The following SLC35F1 variants were observed in gnomAD, a reference collection of about 807,000 sequenced individuals.
SLC35F1 encodes the protein solute carrier family 35 member F1.
A neutral mutation model predicts 48.7 loss-of-function variants in SLC35F1; 14 were observed. The observed-to-expected ratio is 0.29, with a 90% CI of 0.19 to 0.45. SLC35F1 has a LOEUF of 0.45. Ranked by LOEUF, SLC35F1 falls within the 20% of genes least tolerant of loss-of-function variation. SLC35F1 has a pLI of 1.00. For missense variants in SLC35F1, 404 were observed against 500.0 expected, an observed-to-expected ratio of 0.81 and a Z score of 1.83; for synonymous variants, 190 against 202.2, an observed-to-expected ratio of 0.94 and a Z score of 0.51.
At chr6:118,117,720 A>T (rs1773493268) in intron 1 of SLC35F1, among the ~76,000 whole-genome samples, 1 of 152,202 alleles carries the variant, frequency 6.6e-6, no homozygotes. Context: ...AAGATTCCTC[A>T]TGCCACCTTG....
intron 1 of SLC35F1, among the ~76,000 whole-genome samples, chr6:118,027,958 C>A (rs938442146): frequency 3.9e-5 from 6 of 152,024 alleles, no homozygotes; most frequent in Non-Finnish European, 7.4e-5. Flanking sequence ...CAAATATTTT[C>A]TCCTTTTTCT....
chr6:118,226,697 C>T (rs560160292), intron 2 of SLC35F1, among the ~76,000 whole-genome samples: 13 of 152,116 alleles, frequency 8.5e-5, no homozygotes, highest in South Asian at 4.2e-4. Flanking sequence ...GGTTACCAGA[C>T]GCTGGGAAGA....
At chr6:118,009,717 ATTATGCACTCAGTAAAAC>A (rs2114875148) in intron 1 of SLC35F1, among the ~76,000 whole-genome samples, 1 of 152,236 alleles carries the variant, frequency 6.6e-6, no homozygotes, top group East Asian at 1.9e-4. Flanking sequence ...TGTGCTTGTA[ATTATGCACTCAGTAAAAC>A]TGAGTGCACA....
At chr6:117,993,576 G>T (rs1776947502) in intron 1 of SLC35F1, among the ~76,000 whole-genome samples, 1 of 152,046 alleles carries the variant, frequency 6.6e-6, no homozygotes, top group East Asian at 1.9e-4. Flanking sequence ...ACAAATGAGT[G>T]TGGACTAATC....
At chr6:118,165,214 C>G (rs1774300139) in intron 2 of SLC35F1, among the ~76,000 whole-genome samples, 1 of 152,160 alleles carries the variant, frequency 6.6e-6, no homozygotes, top group African/African-American at 2.4e-5. Context: ...AACTGAGAAA[C>G]CTTAAGGCAG....
At chr6:118,278,626 C>A (rs1042228865) in intron 6 of SLC35F1, among the ~76,000 whole-genome samples, 1 of 152,156 alleles carries the variant, frequency 6.6e-6, no homozygotes, top group Non-Finnish European at 1.5e-5. Flanking sequence ...CATTTAATTT[C>A]TCTCCAGTTG....
At chr6:118,224,612 A>C (rs1039950895) in intron 2 of SLC35F1, among the ~76,000 whole-genome samples, 8 of 152,224 alleles carry the variant, frequency 5.3e-5, no homozygotes, top group African/African-American at 1.9e-4. Flanking sequence ...GATGAGGGAA[A>C]TCAAGGCTTA....
intron 2 of SLC35F1, among the ~76,000 whole-genome samples, chr6:118,208,603 T>C (rs1474091729): frequency 6.6e-6 from 1 of 152,242 alleles, no homozygotes; most frequent in African/African-American, 2.4e-5. Flanking sequence ...AAGTGCTTTT[T>C]AATTATGAAA....
At chr6:118,090,941 C>T (rs1773064528) in intron 1 of SLC35F1, among the ~76,000 whole-genome samples, 1 of 151,958 alleles carries the variant, frequency 6.6e-6, no homozygotes, top group Non-Finnish European at 1.5e-5. Flanking sequence ...GAGTGCTGGT[C>T]AGATGTGGCT....
chr6:118,072,619 CT>C (rs572309338), intron 1 of SLC35F1, among the ~76,000 whole-genome samples: 2 of 151,934 alleles, frequency 1.3e-5, no homozygotes, highest in Non-Finnish European at 2.9e-5. Context: ...TTTTTATTCT[CT>C]TTTTTTGTTT....
intron 1 of SLC35F1, among the ~76,000 whole-genome samples, chr6:118,145,614 T>C (rs1320564197): frequency 6.6e-6 from 1 of 152,202 alleles, no homozygotes; most frequent in African/African-American, 2.4e-5. Flanking sequence ...TTTGTAACTG[T>C]CAGCAAGACA....
At chr6:118,003,367 T>C (rs1167982221) in intron 1 of SLC35F1, among the ~76,000 whole-genome samples, 1 of 152,204 alleles carries the variant, frequency 6.6e-6, no homozygotes, top group African/African-American at 2.4e-5. Flanking sequence ...CAGGATAACA[T>C]CATGGAATGC....
chr6:118,274,911 G>T (rs940417012), intron 4 of SLC35F1, among the ~76,000 whole-genome samples: 10 of 152,276 alleles, frequency 6.6e-5, no homozygotes, highest in African/African-American at 2.2e-4. Flanking sequence ...TCCCTGAATA[G>T]CAGAGGGTGG....
rs553843831 is a variant in SLC35F1 at position 118,262,992 on chromosome 6, A to G, written c.478-4003A>G. Among the ~76,000 whole-genome samples, 22 of 152,222 alleles carry G rather than the reference A, an allele frequency of 1.4e-4. No homozygotes were observed. The South Asian group carries it at 4.1e-3, about 29-fold the overall frequency. ...ATCCTGTTGCTATCACCATGACTTCAGAGACTTTTCTCCAGCCATTGTGTA... is the reference window on the plus strand; with the variant it reads ...ATCCTGTTGCTATCACCATGACTTCGGAGACTTTTCTCCAGCCATTGTGTA... On this transcript the variant is annotated intron_variant, in intron 3 of 7. Coordinates refer to ENST00000360388, the MANE Select transcript of SLC35F1 (RefSeq NM_001029858.4).
chr6:117,923,739 A>G (rs868587512), intron 1 of SLC35F1, among the ~76,000 whole-genome samples: 5 of 42,714 alleles, frequency 1.2e-4, no homozygotes, highest in African/African-American at 1.3e-4. Context: ...ATGTATATAT[A>G]CATATATGTA....
chr6:118,016,816 A>G (rs1020986663), intron 1 of SLC35F1, among the ~76,000 whole-genome samples: 3 of 152,236 alleles, frequency 2.0e-5, no homozygotes, highest in Non-Finnish European at 4.4e-5. Flanking sequence ...GCTAAAAGGC[A>G]TAGTTTCTAA....
chr6:117,924,051 G>GTA (rs1429935071), intron 1 of SLC35F1, among the ~76,000 whole-genome samples: 2 of 137,862 alleles, frequency 1.5e-5, no homozygotes, highest in South Asian at 2.3e-4. Flanking sequence ...ACATGCATAT[G>GTA]TATATACACA....
chr6:118,125,482 T>C (rs1464400055), intron 1 of SLC35F1, among the ~76,000 whole-genome samples: 2 of 152,176 alleles, frequency 1.3e-5, no homozygotes. Context: ...TTGCCATTGA[T>C]AAAGTTTTGG....
At chr6:118,103,226 C>T (rs532642472) in intron 1 of SLC35F1, among the ~76,000 whole-genome samples, 1 of 151,930 alleles carries the variant, frequency 6.6e-6, no homozygotes, top group East Asian at 1.9e-4. Context: ...CCTCCTGCTT[C>T]GAGGATCCTA....
Sources: allele counts gnomAD v4.1 joint callset (sites outside exome capture counted in the v4.1 genomes callset), GRCh38; gene constraint gnomAD v4.1.1; transcripts MANE v1.5; gene names NCBI Gene and HGNC (gene_info 2026-07-23, HGNC 2026-07-21).